DLGAP1: variants seen among roughly 807,000 people sequenced by gnomAD.
DLGAP1 encodes the protein DLG associated protein 1.
A neutral mutation model predicts 90.8 loss-of-function variants in DLGAP1; 11 were observed. The ratio of observed to expected loss-of-function variants is 0.12; its 90% CI spans 0.08 to 0.20. DLGAP1 has a LOEUF of 0.20. DLGAP1 is among the 10% of genes least tolerant of loss of function. The pLI, the probability that DLGAP1 is intolerant of heterozygous loss-of-function variation, is 1.00. For missense variants in DLGAP1, 1,050 were observed against 1,333.8 expected, an observed-to-expected ratio of 0.79 and a Z score of 3.31; for synonymous variants, 558 against 540.7, an observed-to-expected ratio of 1.03 and a Z score of -0.44.
At chr18:4,037,463 A>T (rs2074907458) in intron 2 of DLGAP1, among the ~76,000 whole-genome samples, 1 of 152,236 alleles carries the variant, frequency 6.6e-6, no homozygotes, top group Non-Finnish European at 1.5e-5. Context: ...AATCCACATT[A>T]ATTGATACAT....
chr18:4,226,523 G>C (rs2078191006), intron 1 of DLGAP1, among the ~76,000 whole-genome samples: 1 of 151,750 alleles, frequency 6.6e-6, no homozygotes, highest in African/African-American at 2.4e-5. Flanking sequence ...GATATAAATA[G>C]AAATAACAAA....
intron 7 of DLGAP1, among the ~76,000 whole-genome samples, chr18:3,636,662 C>A (rs1343215046): frequency 6.6e-6 from 1 of 151,012 alleles, no homozygotes; most frequent in South Asian, 2.1e-4. Flanking sequence ...GTGATTCACC[C>A]GCCTCGGCCT....
intron 5 of DLGAP1, among the ~76,000 whole-genome samples, chr18:3,765,111 T>G (rs1186726132): frequency 2.7e-5 from 4 of 149,410 alleles, no homozygotes; most frequent in Non-Finnish European, 5.9e-5. Flanking sequence ...CATGCACACT[T>G]GCAAACTTTT....
At chr18:4,017,530 A>G (rs1483547518) in intron 2 of DLGAP1, among the ~76,000 whole-genome samples, 1 of 152,226 alleles carries the variant, frequency 6.6e-6, no homozygotes, top group Non-Finnish European at 1.5e-5. Context: ...CACATACCCA[A>G]AAAATGCTCC....
At chr18:4,088,980 C>T (rs532301493) in intron 2 of DLGAP1, among the ~76,000 whole-genome samples, 3 of 152,238 alleles carry the variant, frequency 2.0e-5, no homozygotes, top group African/African-American at 4.8e-5. Context: ...AGCAATAAAG[C>T]GTATTTAAAT....
rs1461535234 is a variant in DLGAP1 at position 3,874,507 on chromosome 18, C to G, written c.957+4605G>C. 7 of 1,443,460 alleles carry G rather than the reference C, an allele frequency of 4.8e-6. No individual in the cohort carries two copies. The African/African-American group carries it at 7.1e-5, about 15-fold the overall frequency. 89.4% of individuals were successfully genotyped at this position (1,443,460 alleles called of 1,614,324 possible). A position where few individuals can be genotyped will look rare whatever the true frequency, so the allele number is the denominator to read the frequency against. On this transcript the variant is annotated intron_variant, in intron 4 of 12. Transcript: ENST00000315677. ...TTACATAAAGAGGCATAAACAGAAC[C>G]AAGAATTCTGCTTTTTAAAAGCAAA...
At chr18:3,757,551 C>G (rs749000773) in intron 5 of DLGAP1, among the ~76,000 whole-genome samples, 11 of 152,142 alleles carry the variant, frequency 7.2e-5, no homozygotes, top group East Asian at 1.9e-4. Flanking sequence ...ACATGATGAC[C>G]AAGTCAGACA....
intron 7 of DLGAP1, among the ~76,000 whole-genome samples, chr18:3,623,664 C>T (rs1027304084): frequency 6.6e-6 from 1 of 151,646 alleles, no homozygotes; most frequent in African/African-American, 2.4e-5. Flanking sequence ...GTAATCCCAG[C>T]TACTCAGGAG....
chr18:4,288,606 T>G (rs1024729823), intron 1 of DLGAP1, among the ~76,000 whole-genome samples: 3 of 152,002 alleles, frequency 2.0e-5, no homozygotes, highest in African/African-American at 7.3e-5. Context: ...ATTTCATGGG[T>G]GGGTCTGGCT....
At chr18:4,147,407 C>A (rs1568420750) in intron 2 of DLGAP1, among the ~76,000 whole-genome samples, 1 of 152,134 alleles carries the variant, frequency 6.6e-6, no homozygotes, top group Non-Finnish European at 1.5e-5. Flanking sequence ...AGTGTTATTT[C>A]ATCTAATAAA....
intron 5 of DLGAP1, among the ~76,000 whole-genome samples, chr18:3,745,002 G>A (rs565114382): frequency 1.3e-5 from 2 of 152,188 alleles, no homozygotes; most frequent in South Asian, 2.1e-4. Context: ...ACTAAAAAAA[G>A]GAATGAAGTA....
intron 1 of DLGAP1, among the ~76,000 whole-genome samples, chr18:4,188,939 G>C (rs576950765): frequency 1.3e-5 from 2 of 152,020 alleles, no homozygotes; most frequent in East Asian, 1.9e-4. Context: ...CTTTACTGGA[G>C]ATATTTTTGA....
At chr18:4,009,015 T>A (rs547598172) in intron 2 of DLGAP1, among the ~76,000 whole-genome samples, 112 of 152,338 alleles carry the variant, frequency 7.4e-4, no homozygotes, top group African/African-American at 2.5e-3. Flanking sequence ...GCCGTTCTCC[T>A]GCCTCAGCCT....
At chr18:4,352,612 A>T (rs1325288487) in intron 1 of DLGAP1, among the ~76,000 whole-genome samples, 1 of 152,076 alleles carries the variant, frequency 6.6e-6, no homozygotes, top group African/African-American at 2.4e-5. Context: ...CAGTCAAACA[A>T]TCTCTCACCC....
intron 7 of DLGAP1, among the ~76,000 whole-genome samples, chr18:3,678,442 G>A (rs1386090126): frequency 1.3e-5 from 2 of 151,842 alleles, no homozygotes; most frequent in Non-Finnish European, 2.9e-5. Context: ...CTCCTTTACC[G>A]TTGTGTTTGC....
At chr18:3,998,448 T>C (rs1049290298) in intron 3 of DLGAP1, among the ~76,000 whole-genome samples, 6 of 151,844 alleles carry the variant, frequency 4.0e-5, no homozygotes, top group African/African-American at 1.5e-4. Context: ...CCGTTTATGA[T>C]ATTCCAGGTC....
chr18:3,514,092 C>T (rs568542310), intron 10 of DLGAP1, among the ~76,000 whole-genome samples: 1 of 148,044 alleles, frequency 6.8e-6, no homozygotes, highest in African/African-American at 2.4e-5. Context: ...CAGACGTGCT[C>T]ATTTCTCTGA....
At chr18:4,227,482 T>C (rs573708196) in intron 1 of DLGAP1, among the ~76,000 whole-genome samples, 6 of 151,904 alleles carry the variant, frequency 3.9e-5, no homozygotes, top group East Asian at 3.9e-4. Flanking sequence ...ATTAAAAAAA[T>C]TGAAATATAT....
intron 7 of DLGAP1, among the ~76,000 whole-genome samples, chr18:3,695,285 T>A (rs1283555692): frequency 6.6e-6 from 1 of 152,184 alleles, no homozygotes; most frequent in Non-Finnish European, 1.5e-5. Flanking sequence ...CCCATGCCTA[T>A]GTCCTGAATG....
Sources: allele counts gnomAD v4.1 joint callset (sites outside exome capture counted in the v4.1 genomes callset), GRCh38; gene constraint gnomAD v4.1.1; transcripts MANE v1.5; gene names NCBI Gene and HGNC (gene_info 2026-07-23, HGNC 2026-07-21).